Variants in DAB1 observed in about 807,000 individuals in gnomAD.
DAB1 encodes the protein disabled homolog 1.
DAB1 carries 15 observed loss-of-function variants against 64.6 expected under a neutral mutation model. The ratio of observed to expected loss-of-function variants is 0.23; its 90% CI spans 0.16 to 0.36. The LOEUF (loss-of-function observed/expected upper bound fraction) is 0.36. Ranked by LOEUF, DAB1 falls within the 10% of genes least tolerant of loss-of-function variation. The pLI is 1.00. For missense variants in DAB1, 596 were observed against 706.7 expected (o/e 0.84, Z 1.78); for synonymous variants, 235 against 251.9 (o/e 0.93, Z 0.64).
intron 6 of DAB1, among the ~76,000 whole-genome samples, chr1:57,711,539 G>T (rs1256014484): frequency 1.3e-5 from 2 of 152,234 alleles, no homozygotes; most frequent in South Asian, 4.1e-4. Context: ...ACGGGTGCCT[G>T]TCAAGGCTTG....
intron 14 of DAB1, among the ~76,000 whole-genome samples, chr1:56,998,592 A>T (rs969653938): frequency 3.3e-5 from 5 of 152,206 alleles, no homozygotes; most frequent in Non-Finnish European, 5.9e-5. Context: ...ACAAGTGGAC[A>T]TTTTTCCAAC....
intron 7 of DAB1, among the ~76,000 whole-genome samples, chr1:57,548,978 T>C (rs557907538): frequency 7.5e-4 from 114 of 152,340 alleles, no homozygotes; most frequent in Non-Finnish European, 1.3e-3. Flanking sequence ...CCGAAAGCTT[T>C]AATAACATGC....
chr1:57,865,876 A>G (rs1276429090), intron 1 of DAB1, among the ~76,000 whole-genome samples: 1 of 152,188 alleles, frequency 6.6e-6, no homozygotes, highest in Non-Finnish European at 1.5e-5. Flanking sequence ...TGTAAACAGC[A>G]GAATATTTTT....
chr1:57,330,646 C>T (rs1238779253), intron 1 of DAB1, among the ~76,000 whole-genome samples: 2 of 152,070 alleles, frequency 1.3e-5, no homozygotes, highest in African/African-American at 2.4e-5. Flanking sequence ...AAAACAGTGT[C>T]GACGTGATGT....
rs903018252 is a variant in DAB1 at position 57,056,333 on chromosome 1, T to TAA, written c.723+6549_723+6550dup. On this transcript the variant is annotated intron_variant, in intron 9 of 14. Transcript: ENST00000371236. ...GGGTAACATAGCAAGTCCTCATCTT[T>TAA]AAAAAAAAAAAAAAAAAAAAAAATT... is the stretch of plus-strand genomic sequence containing the variant. Among the ~76,000 whole-genome samples, 893 of 117,246 alleles carry TAA rather than the reference T, an allele frequency of 7.6e-3. 16 individuals are homozygous for TAA. Among genetic ancestry groups the TAA allele is most frequent in the African/African-American group, 0.028 (837 of 30,118 alleles). 76.9% of individuals were successfully genotyped at this position (117,246 alleles called of 152,430 possible).
intron 1 of DAB1, chr1:57,860,506 A>T (rs1412435086): frequency 1.3e-5 from 2 of 152,240 alleles, no homozygotes; most frequent in Admixed American, 1.3e-4. Context: ...CACAAGGATG[A>T]ATCCTGATGG....
At chr1:57,684,864 A>G (rs1282232774) in intron 6 of DAB1, among the ~76,000 whole-genome samples, 2 of 152,228 alleles carry the variant, frequency 1.3e-5, no homozygotes, top group Non-Finnish European at 2.9e-5. Flanking sequence ...TTTCCCATGT[A>G]ATTATACCCA....
At chr1:57,050,077 G>A (rs190929476) in intron 9 of DAB1, among the ~76,000 whole-genome samples, 1 of 152,222 alleles carries the variant, frequency 6.6e-6, no homozygotes, top group East Asian at 1.9e-4. Context: ...AAGGACAGTA[G>A]CCACTTCTGA....
chr1:58,322,467 C>T (rs1003186621), intron 4 of DAB1, among the ~76,000 whole-genome samples: 2 of 152,184 alleles, frequency 1.3e-5, no homozygotes, highest in Non-Finnish European at 1.5e-5. Flanking sequence ...GACATCTGTG[C>T]AGCCAACAGA....
At position 57,542,736 on chromosome 1, in the gene DAB1, A is replaced by G. The variant is rs190942237; in HGVS notation, n.625+106856T>C. Among the ~76,000 whole-genome samples, 208 of 152,264 alleles carry G rather than the reference A, an allele frequency of 1.4e-3. 1 individual carries two copies. The highest frequency in any genetic ancestry group is 4.6e-3 in the African/African-American group (192 of 41,536). ...TCCTGTTCACAGTATTCAGCCTCCA[A>G]GATGGCCCAAATGATGCCTGCTGCT... On this transcript the variant is annotated intron_variant and non_coding_transcript_variant, in intron 7 of 20. Coordinates refer to the DAB1 transcript ENST00000485760.
downstream of DAB1, among the ~76,000 whole-genome samples, chr1:57,822,456 G>T (rs1348413338): frequency 6.6e-6 from 1 of 152,138 alleles, no homozygotes; most frequent in Non-Finnish European, 1.5e-5. Flanking sequence ...AAGAGCTCCA[G>T]ATGTATCTTT....
intron 1 of DAB1, chr1:57,863,046 T>C (rs1335222897): frequency 6.6e-6 from 1 of 152,062 alleles, no homozygotes; most frequent in Non-Finnish European, 1.5e-5. Context: ...AACAGGTGAG[T>C]GGACAAACTC....
At chr1:57,342,278 C>G (rs1457917038) in intron 1 of DAB1, among the ~76,000 whole-genome samples, 1 of 152,196 alleles carries the variant, frequency 6.6e-6, no homozygotes, top group Non-Finnish European at 1.5e-5. Context: ...ATCATTCCCT[C>G]CATGTCAGCT....
At chr1:58,242,040 T>G (rs1660319899) in intron 4 of DAB1, among the ~76,000 whole-genome samples, 1 of 152,080 alleles carries the variant, frequency 6.6e-6, no homozygotes, top group South Asian at 2.1e-4. Flanking sequence ...CAGTATTGTT[T>G]ATAAAAATTA....
At chr1:57,366,685 T>G (rs1558248086) in intron 1 of DAB1, among the ~76,000 whole-genome samples, 1 of 152,230 alleles carries the variant, frequency 6.6e-6, no homozygotes. Flanking sequence ...ACTCATTTAA[T>G]TTTTACAATA....
At chr1:57,984,599 C>T (rs2100353609) in intron 5 of DAB1, among the ~76,000 whole-genome samples, 1 of 152,280 alleles carries the variant, frequency 6.6e-6, no homozygotes, top group East Asian at 1.9e-4. Context: ...AGGCAAGTTA[C>T]TTTTACTTTG....
chr1:58,077,340 C>T (rs1170801399), intron 5 of DAB1, among the ~76,000 whole-genome samples: 4 of 152,142 alleles, frequency 2.6e-5, no homozygotes, highest in Non-Finnish European at 5.9e-5. Flanking sequence ...CCCTGCATGG[C>T]GGTTTCACAT....
chr1:57,369,848 T>G (rs1025607403), intron 1 of DAB1, among the ~76,000 whole-genome samples: 13 of 152,204 alleles, frequency 8.5e-5, no homozygotes, highest in Non-Finnish European at 4.4e-5. Flanking sequence ...GTTATAACGA[T>G]CATCCTGATC....
At chr1:57,525,890 T>C (rs1421844359) in intron 7 of DAB1, among the ~76,000 whole-genome samples, 1 of 152,086 alleles carries the variant, frequency 6.6e-6, no homozygotes, top group East Asian at 1.9e-4. Flanking sequence ...TAGTTGATTG[T>C]TTTAAACCAT....
Sources: gnomAD v4.1 joint callset for allele counts (sites outside exome capture counted in the v4.1 genomes callset) on GRCh38, gnomAD v4.1.1 for gene constraint, MANE v1.5 for transcripts, NCBI Gene and HGNC (gene_info 2026-07-23, HGNC 2026-07-21) for gene names.